MYOM2: variants seen among roughly 807,000 people sequenced by gnomAD.
MYOM2 encodes myomesin-2.
MYOM2 carries 254 observed loss-of-function variants against 187.6 expected under a neutral mutation model. The ratio of observed to expected loss-of-function variants is 1.35; its 90% CI spans 1.22 to 1.50. The LOEUF is 1.50. Among genes scored for constraint, MYOM2 ranks in the 40% most tolerant of loss-of-function variants. The pLI, the probability that MYOM2 is intolerant of heterozygous loss-of-function variation, is 0.00. For missense variants in MYOM2, 2,796 were observed against 1,924.0 expected (o/e 1.45, Z -8.48); for synonymous variants, 981 against 753.8 (o/e 1.30, Z -4.94).
Position 2,069,276 on chromosome 8 carries a change from A to G in MYOM2, c.654-2A>G. 1 of 1,609,138 alleles carries G rather than the reference A, an allele frequency of 6.2e-7. No individual in the cohort carries two copies. Among genetic ancestry groups the G allele is most frequent in the South Asian group, 1.1e-5 (1 of 90,788 alleles). ...ACTTTCTCTTGTTTTTTTCTCTCCA[A>G]GGGCAGACTTTGACGACACTGCGAC... On this transcript the variant is annotated splice_acceptor_variant, in intron 6 of 36. Transcript: ENST00000262113. LOFTEE classifies it high-confidence loss of function.
At chr8:2,118,726 C>G (rs1438781502) in intron 28 of MYOM2, 1 of 152,588 alleles carries the variant, frequency 6.6e-6, no homozygotes, top group Non-Finnish European at 1.5e-5. Context: ...GGGGCATTCC[C>G]CTGCAGGACC....
intron 6 of MYOM2, among the ~76,000 whole-genome samples, chr8:2,059,534 T>A (rs913372173): frequency 6.6e-6 from 1 of 152,162 alleles, no homozygotes; most frequent in African/African-American, 2.4e-5. Flanking sequence ...CAAGAAGCTT[T>A]CATTGACACC....
At chr8:2,056,570 T>C (rs551991242) in intron 3 of MYOM2, among the ~76,000 whole-genome samples, 15 of 152,294 alleles carry the variant, frequency 9.8e-5, no homozygotes, top group Middle Eastern at 3.4e-3. Context: ...CCTTTATTTA[T>C]TATTATTATT....
rs374510532 is a variant in MYOM2, at chr8:2,123,423, C to G, written c.3567+58C>G. 230 of 1,499,478 alleles carry G rather than the reference C, an allele frequency of 1.5e-4. No homozygotes were observed. In the African/African-American group the frequency reaches 3.0e-3, roughly 20 times the overall value. 92.9% of individuals were successfully genotyped at this position (1,499,478 alleles called of 1,614,324 possible). A position where few individuals can be genotyped will look rare whatever the true frequency, so the allele number is the denominator to read the frequency against. ...ACAAAAACGGCACTTTCAAATAACT[C>G]GTAAATTCTACAATCCTCTAATTTG... On this transcript the variant is annotated intron_variant, in intron 29 of 36. Transcript: ENST00000262113.
Position 2,143,272 on chromosome 8 carries a change from A to G in MYOM2, c.4025-129A>G, listed in dbSNP as rs139190380. On this transcript the variant is annotated intron_variant, in intron 35 of 36. Transcript: ENST00000262113. ...GTAAACATATAAACCTTTTTCTTTG[A>G]TGCTCGCTCTCTCCTGAGCATAAAC... is the stretch of plus-strand genomic sequence containing the variant. The G allele has an allele frequency of 3.3e-3, 3,458 of 1,042,216 alleles. 48 individuals are homozygous for G. The East Asian group carries it at 0.034, about 10-fold the overall frequency. 64.6% of individuals were successfully genotyped at this position (1,042,216 alleles called of 1,614,324 possible).
chr8:2,115,888 G>T (rs1008160001), intron 25 of MYOM2, 72 bp from the exon 26 acceptor site: 1 of 1,514,692 alleles, frequency 6.6e-7, no homozygotes, highest in Non-Finnish European at 9.0e-7. Context: ...TGATGCAATT[G>T]TTAAATGTTG....
intron 24 of MYOM2, 198 bp from the exon 25 acceptor site, chr8:2,109,195 CAT>C (rs1796986978): frequency 1.7e-6 from 1 of 585,942 alleles, no homozygotes; most frequent in Non-Finnish European, 2.8e-6. Flanking sequence ...ACTGAGAACT[CAT>C]GTGGCATGAG....
Position 2,092,345 on chromosome 8 carries a change from G to GAA in MYOM2, c.1829-1_1829insAA (p.Val610GlufsTer66), listed in dbSNP as rs1173961998. 1.9e-6 allele frequency: 3 copies of GAA among 1,613,656 alleles called. No individual in the cohort carries two copies. Among genetic ancestry groups the GAA allele is most frequent in the Non-Finnish European group, 2.5e-6 (3 of 1,179,862 alleles). On this transcript the variant is annotated frameshift_variant and splice_region_variant. Coordinates refer to ENST00000262113, the MANE Select transcript of MYOM2 (RefSeq NM_003970.4). LOFTEE classifies it high-confidence loss of function. ...CCACTCCTTTTGTCTCCTACGAAAA[G>GAA]TTGTCCCTTCTGCTCCGGGTCGGGT...
intron 25 of MYOM2, among the ~76,000 whole-genome samples, chr8:2,109,852 A>T (rs1179882941): frequency 6.6e-6 from 1 of 152,172 alleles, no homozygotes; most frequent in Non-Finnish European, 1.5e-5. Flanking sequence ...CTTATTCTTG[A>T]TAATGGTTTT....
intron 25 of MYOM2, among the ~76,000 whole-genome samples, chr8:2,115,666 T>G (rs10113805): frequency 6.6e-6 from 1 of 152,220 alleles, no homozygotes; most frequent in Non-Finnish European, 1.5e-5. Context: ...CTGTGAATTT[T>G]ATCTGCTTCA....
At chr8:2,085,437 C>CCCCACTGTCGTGATCTCTGTGTGGCCT in intron 14 of MYOM2, 47 bp downstream of exon 14, 1 of 1,592,300 alleles carries the variant, frequency 6.3e-7, no homozygotes, top group Non-Finnish European at 8.5e-7. Context: ...CTGCATGGCC[C>CCCCACTGTCGTGATCTCTGTGTGGCCT]CCCACTGTCA....
intron 7 of MYOM2, 25 bp from the exon 8 acceptor site, chr8:2,069,422 C>T (rs1361739063): frequency 6.2e-7 from 1 of 1,614,134 alleles, no homozygotes. Flanking sequence ...CTCTTTTCTG[C>T]TGCACTCACT....
chr8:2,102,777 A>C lies in MYOM2; in HGVS notation c.2730A>C (p.Arg910Ser), dbSNP rs569930476. The change falls in exon 21 of 37, where the codon AGA (arginine) becomes AGC (serine). Residue 910 changes from arginine (R) to serine (S), a missense_variant. Physicochemically the swap from Arg to Ser is moderately radical, Grantham distance 110. Transcript: ENST00000262113. ...CGGAGCCTGTGCTGGTAGAGGCGAG[A>C]CCAGGTAAGGCTTACAACAAAAACT... ...DTSEPVLVEA[R>S]PGTKEISAGV... 6.2e-6 allele frequency: 10 copies of C among 1,612,512 alleles called. No homozygotes were observed. The highest frequency in any genetic ancestry group is 1.7e-5 in the Admixed American group (1 of 59,988).
At chr8:2,100,564 ACCT>A in intron 19 of MYOM2, 1 of 335,100 alleles carries the variant, frequency 3.0e-6, no homozygotes, top group Non-Finnish European at 5.6e-6. Context: ...TAACTTGAGA[ACCT>A]GTCCTTTCCC....
chr8:2,124,128 T>C, intron 30 of MYOM2, 51 bp from the exon 31 acceptor site: 2 of 1,549,904 alleles, frequency 1.3e-6, no homozygotes, highest in African/African-American at 1.4e-5. Context: ...AAAATGCTGC[T>C]TTCGGTTAAA....
intron 23 of MYOM2, among the ~76,000 whole-genome samples, chr8:2,108,342 G>A (rs13254394): frequency 0.25 from 37,490 of 150,504 alleles, 5,346 homozygotes; most frequent in East Asian, 0.41. Flanking sequence ...TGAGCGGTGT[G>A]TATATCTTTC....
At chr8:2,144,590 C>A in intron 36 of MYOM2, 74 bp from the exon 37 acceptor site, 1 of 1,442,498 alleles carries the variant, frequency 6.9e-7, no homozygotes, top group Non-Finnish European at 9.6e-7. Context: ...TGACCTGGAG[C>A]CCACCGTCCG....
At chr8:2,113,638 A>G (rs1399665556) in intron 25 of MYOM2, among the ~76,000 whole-genome samples, 1 of 152,190 alleles carries the variant, frequency 6.6e-6, no homozygotes, top group Non-Finnish European at 1.5e-5. Flanking sequence ...CTGGAGGGGA[A>G]GGTCTCAGTT....
Position 2,101,055 on chromosome 8 carries a change from G to A in MYOM2, c.2619+1G>A. ...GACAACAGCCAGCCGTTATTTAAAG[G>A]TAAGTCTTGGCCGGCTGTGGTGGCT... On this transcript the variant is annotated splice_donor_variant, in intron 20 of 36. Coordinates refer to ENST00000262113, the MANE Select transcript of MYOM2 (RefSeq NM_003970.4). LOFTEE classifies it high-confidence loss of function. The A allele has an allele frequency of 6.2e-7, 1 of 1,613,988 alleles. No homozygotes were observed. Among genetic ancestry groups the A allele is most frequent in the South Asian group, 1.1e-5 (1 of 91,060 alleles).
Sources: allele counts gnomAD v4.1 joint callset (sites outside exome capture counted in the v4.1 genomes callset), GRCh38; gene constraint gnomAD v4.1.1; transcripts MANE v1.5; gene names NCBI Gene and HGNC (gene_info 2026-07-23, HGNC 2026-07-21).